The following CEACAM20 variants were observed in gnomAD, a reference collection of about 807,000 sequenced individuals.
CEACAM20 encodes cell adhesion molecule CEACAM20.
Under a neutral mutation model 61.2 loss-of-function variants are expected in CEACAM20, and 50 were observed. The observed-to-expected ratio is 0.82, with a 90% CI of 0.65 to 1.03. The LOEUF (loss-of-function observed/expected upper bound fraction) is 1.03. Ranked by LOEUF, CEACAM20 falls within the 50% of genes least tolerant of loss-of-function variation. The probability of loss-of-function intolerance (pLI) is 0.00; values close to 1 mark genes in which losing one functional copy is unlikely to be tolerated. For missense variants in CEACAM20, 683 were observed against 736.4 expected (o/e 0.93, Z 0.84); for synonymous variants, 282 against 287.7 (o/e 0.98, Z 0.20).
intron 11 of CEACAM20, among the ~76,000 whole-genome samples, chr19:44,508,779 G>C (rs1448621167): frequency 6.6e-6 from 1 of 152,114 alleles, no homozygotes; most frequent in Non-Finnish European, 1.5e-5. Context: ...AGATATAGTG[G>C]CAGATATCAC....
chr19:44,527,818 C>T (rs1971573654), intron 1 of CEACAM20, among the ~76,000 whole-genome samples: 1 of 152,264 alleles, frequency 6.6e-6, no homozygotes, highest in South Asian at 2.1e-4. Flanking sequence ...TGCACATGAC[C>T]TGTTGCAAAA....
At chr19:44,520,985 T>C (rs1202058248) in intron 4 of CEACAM20, among the ~76,000 whole-genome samples, 2 of 152,156 alleles carry the variant, frequency 1.3e-5, no homozygotes, top group Admixed American at 6.6e-5. Context: ...TTTGTGTGTA[T>C]GGAGAGTGTG....
rs747859378 is a variant in CEACAM20, at chr19:44,517,082, G to A, written c.1173C>T (p.His391=). The part of the protein sequence containing the change: ...PGAEYRWTLE[H]STGEHLGEQL... ...GCTCACCCAGGTGCTCCCCGGTGGA[G>A]TGTTCAAGAGTCCAGCGATACTCAG... is the stretch of plus-strand genomic sequence containing the variant. The change falls in exon 6 of 12, where the codon CAC becomes CAT. Residue 391 remains histidine (H), a synonymous_variant. Coordinates refer to ENST00000614924, the MANE Select transcript of CEACAM20 (RefSeq NM_001102597.3). 1.2e-6 allele frequency: 2 copies of A among 1,610,528 alleles called. No individual in the cohort carries two copies. Among genetic ancestry groups the A allele is most frequent in the South Asian group, 2.2e-5 (2 of 90,220 alleles).
In CEACAM20 at chr19:44,515,937, C is replaced by A. The variant is rs10406158; in HGVS notation, c.1309+1009G>T. Among the ~76,000 whole-genome samples, 1,331 of 151,942 alleles carry A rather than the reference C, an allele frequency of 8.8e-3. 23 individuals carry two copies. The highest frequency in any genetic ancestry group is 0.03 in the African/African-American group (1,242 of 41,452). ...GTGACCCATGATCATGCCACACACA[C>A]AAAAAAAGGAATAATTTTATTTGTT... On this transcript the variant is annotated intron_variant, in intron 6 of 11. Transcript: ENST00000614924.
In CEACAM20 at chr19:44,511,017, G is replaced by A; in HGVS notation, c.1737+13C>T. 5 of 1,613,854 alleles carry A rather than the reference G, an allele frequency of 3.1e-6. No homozygotes were observed. Among genetic ancestry groups the A allele is most frequent in the Non-Finnish European group, 4.2e-6 (5 of 1,179,816 alleles). ...TTCCACCTGTCCAAAGACTCAGTGT[G>A]GCATAAACATACCTCATAGATTGAC... is the stretch of plus-strand genomic sequence containing the variant. On this transcript the variant is annotated intron_variant, in intron 11 of 11. Transcript: ENST00000614924.
rs372834997 is a variant in CEACAM20, at chr19:44,520,546, C to T, written c.958G>A (p.Gly320Arg). ...TTCCAGACCTCACAGGCATAGGGCC[C>T]GGTGTCATTCCGCTGGAGGCCATGG... ...IIHGLQRNDT[G>R]PYACEVWNWG... The change falls in exon 5 of 12, where the codon GGG becomes AGG. Residue 320 changes from glycine (G) to arginine (R), a missense_variant. Coordinates refer to ENST00000614924, the MANE Select transcript of CEACAM20 (RefSeq NM_001102597.3). 2.3e-5 allele frequency: 37 copies of T among 1,614,026 alleles called. No homozygotes were observed. Among genetic ancestry groups the T allele is most frequent in the Middle Eastern group, 1.7e-4 (1 of 6,050 alleles).
At chr19:44,508,349 G>A (rs1007056252) in intron 11 of CEACAM20, among the ~76,000 whole-genome samples, 4 of 152,092 alleles carry the variant, frequency 2.6e-5, no homozygotes, top group African/African-American at 9.7e-5. Context: ...CTTGTTACTG[G>A]AATTTTGCTT....
chr19:44,522,744 G>T lies in CEACAM20; in HGVS notation c.641C>A (p.Thr214Lys). The T allele has an allele frequency of 1.2e-6, 2 of 1,613,942 alleles. No individual in the cohort carries two copies. The highest frequency in any genetic ancestry group is 1.7e-6 in the Non-Finnish European group (2 of 1,179,872). Residue 214 changes from threonine to lysine, a missense_variant, in exon 4 of 12, where the codon ACA becomes AAA. Coordinates refer to ENST00000614924, the MANE Select transcript of CEACAM20 (RefSeq NM_001102597.3). ...TCTGGACACAGCATGGATGGTGAAT[G>T]TTCTCGTGGTGTGAGACAGAATGGA... ...LDSILSHTTRTFTIHAVSREH... is the reference protein window; with the variant it reads ...LDSILSHTTRKFTIHAVSREH...
chr19:44,527,248 A>G (rs2123641647), intron 1 of CEACAM20, among the ~76,000 whole-genome samples: 1 of 151,410 alleles, frequency 6.6e-6, no homozygotes. Flanking sequence ...CACAGTTCAT[A>G]GCAAATATTC....
chr19:44,511,412 A>G (rs562264452), intron 10 of CEACAM20, among the ~76,000 whole-genome samples: 1 of 152,226 alleles, frequency 6.6e-6, no homozygotes, highest in Admixed American at 6.5e-5. Context: ...CTCATTGGCA[A>G]TCCAATTCCA....
intron 11 of CEACAM20, among the ~76,000 whole-genome samples, chr19:44,509,272 GAGGGGAGAGA>G (rs942911761): frequency 6.6e-6 from 1 of 152,032 alleles, no homozygotes; most frequent in African/African-American, 2.4e-5. Context: ...ATAAGGTAAT[GAGGGGAGAGA>G]AGTGGAGAGG....
At chr19:44,528,638 G>A (rs1261089677) in intron 1 of CEACAM20, among the ~76,000 whole-genome samples, 2 of 151,636 alleles carry the variant, frequency 1.3e-5, no homozygotes, top group Non-Finnish European at 2.9e-5. Context: ...CTGTGGCTGT[G>A]ACTCCATCTT....
chr19:44,524,937 C>G (rs189003044), intron 2 of CEACAM20, among the ~76,000 whole-genome samples, 164 bp downstream of exon 2: 2 of 152,254 alleles, frequency 1.3e-5, no homozygotes, highest in Non-Finnish European at 2.9e-5. Context: ...CCACAGCCCT[C>G]CCTCTTTACC....
chr19:44,522,868 T>C lies in CEACAM20; in HGVS notation c.517A>G (p.Ser173Gly), dbSNP rs563895998. ...TCCATCACCTCAACCACCTCCCCAC[T>C]GGCAACACCAGACTCCAATTTGATT... ...VEIKLESGVA[S>G]GEVVEVMEGS... Residue 173 changes from serine to glycine, a missense_variant, in exon 4 of 12, where the codon AGT becomes GGT. Transcript: ENST00000614924. 6.2e-7 allele frequency: 1 copy of C among 1,608,864 alleles called. No individual in the cohort carries two copies. The highest frequency in any genetic ancestry group is 1.1e-5 in the South Asian group (1 of 89,576).
At chr19:44,514,601 G>T (rs916195566) in intron 6 of CEACAM20, among the ~76,000 whole-genome samples, 17 of 152,006 alleles carry the variant, frequency 1.1e-4, no homozygotes, top group Non-Finnish European at 1.9e-4. Flanking sequence ...GGTGTGCACT[G>T]CCATGCCTGG....
chr19:44,523,974 A>C lies in CEACAM20; in HGVS notation c.472+12T>G. 3.9e-6 allele frequency: 6 copies of C among 1,545,534 alleles called. No homozygotes were observed. Among genetic ancestry groups the C allele is most frequent in the Non-Finnish European group, 4.4e-6 (5 of 1,142,784 alleles). On this transcript the variant is annotated intron_variant, in intron 3 of 11. Transcript: ENST00000614924. ...GTCAGTGAGGGGTTGGAGAGAATGGAAAGGGACTCACACTTCACATCCAGG... is the reference window on the plus strand; with the variant it reads ...GTCAGTGAGGGGTTGGAGAGAATGGCAAGGGACTCACACTTCACATCCAGG...
chr19:44,528,097 C>G (rs1300544066), intron 1 of CEACAM20, among the ~76,000 whole-genome samples: 1 of 151,990 alleles, frequency 6.6e-6, no homozygotes, highest in Non-Finnish European at 1.5e-5. Flanking sequence ...CTCTGTCTCC[C>G]TCTCTTTCTG....
chr19:44,522,376 T>G (rs1001943733), intron 4 of CEACAM20, among the ~76,000 whole-genome samples: 1 of 152,192 alleles, frequency 6.6e-6, no homozygotes, highest in African/African-American at 2.4e-5. Context: ...GTGCTGGGAT[T>G]ACAGGCGTGA....
At chr19:44,529,245 G>A (rs1427780636) in intron 1 of CEACAM20, among the ~76,000 whole-genome samples, 3 of 151,764 alleles carry the variant, frequency 2.0e-5, no homozygotes, top group Non-Finnish European at 2.9e-5. Context: ...GATTACAGAT[G>A]TGAGCCACCA....
Sources: gnomAD v4.1 joint callset for allele counts (sites outside exome capture counted in the v4.1 genomes callset) on GRCh38, gnomAD v4.1.1 for gene constraint, MANE v1.5 for transcripts, NCBI Gene and HGNC (gene_info 2026-07-23, HGNC 2026-07-21) for gene names.